Variants in CSNK1G1 observed in about 807,000 individuals in gnomAD.
CSNK1G1 encodes the protein casein kinase 1 gamma 1.
CSNK1G1 carries 22 observed loss-of-function variants against 59.6 expected under a neutral mutation model. The observed-to-expected ratio is 0.37, with a 90% CI of 0.26 to 0.53. The LOEUF (loss-of-function observed/expected upper bound fraction) is 0.53. CSNK1G1 is among the 20% of genes least tolerant of loss of function. The probability of loss-of-function intolerance (pLI) is 0.89; values close to 1 mark genes in which losing one functional copy is unlikely to be tolerated. For synonymous variants in CSNK1G1, 179 were observed against 177.1 expected, an observed-to-expected ratio of 1.01 and a Z score of -0.08; for missense variants, 384 against 519.5, an observed-to-expected ratio of 0.74 and a Z score of 2.54.
chr15:64,178,587 T>C (rs2081770241), intron 11 of CSNK1G1, among the ~76,000 whole-genome samples: 1 of 151,414 alleles, frequency 6.6e-6, no homozygotes, highest in African/African-American at 2.4e-5. Context: ...GTTCAAGCGA[T>C]TCTCCTGCCT....
intron 6 of CSNK1G1, among the ~76,000 whole-genome samples, chr15:64,212,550 A>G (rs1015486927): frequency 6.6e-5 from 10 of 152,164 alleles, no homozygotes; most frequent in African/African-American, 2.2e-4. Flanking sequence ...CTCTATCTCT[A>G]TAAAAAAATT....
intron 2 of CSNK1G1, among the ~76,000 whole-genome samples, chr15:64,295,037 C>G (rs1465708519): frequency 6.6e-6 from 1 of 152,064 alleles, no homozygotes; most frequent in African/African-American, 2.4e-5. Flanking sequence ...CAAGACCATC[C>G]TGGCTAACAT....
intron 1 of CSNK1G1, among the ~76,000 whole-genome samples, chr15:64,350,772 GA>G (rs1170788938): frequency 2.0e-5 from 3 of 152,156 alleles, no homozygotes; most frequent in South Asian, 2.1e-4. Context: ...GAAGGAATCT[GA>G]AACAGATGGC....
chr15:64,295,385 G>A (rs1596236448), intron 2 of CSNK1G1, among the ~76,000 whole-genome samples: 2 of 152,294 alleles, frequency 1.3e-5, no homozygotes, highest in South Asian at 4.1e-4. Context: ...GTCTCTTCAA[G>A]CTGGCACATT....
intron 1 of CSNK1G1, among the ~76,000 whole-genome samples, chr15:64,323,688 T>C (rs894690030): frequency 2.0e-5 from 3 of 152,104 alleles, no homozygotes; most frequent in African/African-American, 7.2e-5. Flanking sequence ...ACTTAAAACA[T>C]ATAAACAATT....
intron 1 of CSNK1G1, among the ~76,000 whole-genome samples, chr15:64,310,297 C>A (rs1400921334): frequency 6.6e-6 from 1 of 151,954 alleles, no homozygotes; most frequent in Non-Finnish European, 1.5e-5. Flanking sequence ...CAATTTTATT[C>A]TCAGCCTCAA....
intron 10 of CSNK1G1, among the ~76,000 whole-genome samples, chr15:64,194,745 G>A (rs533356945): frequency 6.6e-6 from 1 of 151,884 alleles, no homozygotes; most frequent in South Asian, 2.1e-4. Flanking sequence ...TGAACTCCTG[G>A]CCTCAGGTGA....
intron 4 of CSNK1G1, among the ~76,000 whole-genome samples, chr15:64,236,677 T>C (rs2082620939): frequency 6.6e-6 from 1 of 152,220 alleles, no homozygotes; most frequent in African/African-American, 2.4e-5. Context: ...GGAACTCTTT[T>C]ACACTGTTGG....
intron 4 of CSNK1G1, among the ~76,000 whole-genome samples, chr15:64,222,721 C>T (rs1185456945): frequency 1.3e-5 from 2 of 150,600 alleles, no homozygotes; most frequent in Non-Finnish European, 2.9e-5. Flanking sequence ...TCACCTCCTA[C>T]CTACTGAGTC....
At chr15:64,267,273 A>C (rs1566926293) in intron 2 of CSNK1G1, among the ~76,000 whole-genome samples, 1 of 150,872 alleles carries the variant, frequency 6.6e-6, no homozygotes, top group African/African-American at 2.4e-5. Flanking sequence ...AAAAAAAAAA[A>C]AAGAAAAGAA....
chr15:64,238,798 C>T (rs1043472231), intron 4 of CSNK1G1, among the ~76,000 whole-genome samples: 12 of 151,866 alleles, frequency 7.9e-5, no homozygotes, highest in African/African-American at 2.9e-4. Flanking sequence ...AGATTCACAG[C>T]TGGAACCCAA....
rs1051811601 is a variant in CSNK1G1, at chr15:64,314,584, C to A, written c.-224-13861G>T. On this transcript the variant is annotated intron_variant, in intron 1 of 11. Transcript: ENST00000303052. ...CAGAATTAAAAAAAAAAAAAAAAAA[C>A]ATATCCCTCAGCTGAGATTTTGTTC... Among the ~76,000 whole-genome samples the A allele has an allele frequency of 5.1e-4, 72 of 141,702 alleles. 1 individual carries two copies. The highest frequency in any genetic ancestry group is 1.5e-3 in the African/African-American group (55 of 37,634). 93.0% of individuals were successfully genotyped at this position (141,702 alleles called of 152,430 possible). A position where few individuals can be genotyped will look rare whatever the true frequency, so the allele number is the denominator to read the frequency against.
At chr15:64,204,318 C>A in intron 9 of CSNK1G1, 123 bp downstream of exon 9, 1 of 819,046 alleles carries the variant, frequency 1.2e-6, no homozygotes, top group Non-Finnish European at 1.8e-6. Context: ...ATACAGTCTA[C>A]GATCAAAGGA....
chr15:64,314,635 C>T (rs1896176033), intron 1 of CSNK1G1, among the ~76,000 whole-genome samples: 1 of 150,714 alleles, frequency 6.6e-6, no homozygotes, highest in Admixed American at 6.6e-5. Flanking sequence ...TCACCACTTT[C>T]TCAACCCTCC....
chr15:64,258,315 G>A (rs78856821), intron 3 of CSNK1G1, among the ~76,000 whole-genome samples: 9,390 of 151,652 alleles, frequency 0.062, 893 homozygotes, highest in African/African-American at 0.21. Context: ...CCCAGGAGGC[G>A]GAGGTTGCAG....
At position 64,199,878 on chromosome 15, in the gene CSNK1G1, A is replaced by T. The variant is rs79710494; in HGVS notation, c.1107+3204T>A. 1.6e-3 allele frequency among the ~76,000 whole-genome samples: 241 copies of T among 152,210 alleles called. 1 individual carries two copies. The highest frequency in any genetic ancestry group is 7.1e-3 in the East Asian group (37 of 5,188). On this transcript the variant is annotated intron_variant, in intron 10 of 11. Coordinates refer to ENST00000303052, the MANE Select transcript of CSNK1G1 (RefSeq NM_022048.5). Reference sequence around the variant, plus strand: ...AAAATAAATAAATAAATAAAATTTTAAAAAAAATTCTATCACATTCTAAGA... The same window carrying T: ...AAAATAAATAAATAAATAAAATTTTTAAAAAAATTCTATCACATTCTAAGA...
At chr15:64,305,695 C>CAAAAAAAAAAAA (rs1197333533) in intron 1 of CSNK1G1, among the ~76,000 whole-genome samples, 2 of 56,676 alleles carry the variant, frequency 3.5e-5, no homozygotes, top group African/African-American at 6.8e-5. Context: ...ACCCTGTCTC[C>CAAAAAAAAAAAA]AAAAAAAAAA....
At chr15:64,304,348 A>C (rs1250088245) in intron 1 of CSNK1G1, among the ~76,000 whole-genome samples, 3 of 148,070 alleles carry the variant, frequency 2.0e-5, no homozygotes, top group Non-Finnish European at 1.5e-5. Flanking sequence ...ACGCCATTGA[A>C]CTCCAGCCTG....
intron 4 of CSNK1G1, among the ~76,000 whole-genome samples, chr15:64,244,941 G>C (rs1379745983): frequency 6.6e-6 from 1 of 152,114 alleles, no homozygotes; most frequent in Non-Finnish European, 1.5e-5. Context: ...AACAGACAAA[G>C]AGACCAAGGG....
Sources: allele counts gnomAD v4.1 joint callset (sites outside exome capture counted in the v4.1 genomes callset), GRCh38; gene constraint gnomAD v4.1.1; transcripts MANE v1.5; gene names NCBI Gene and HGNC (gene_info 2026-07-23, HGNC 2026-07-21).